ZFAT: variants seen among roughly 807,000 people sequenced by gnomAD.
ZFAT encodes the protein zinc finger protein ZFAT.
A neutral mutation model predicts 117.7 loss-of-function variants in ZFAT; 64 were observed. That is an observed-to-expected ratio of 0.54 (90% CI 0.44 to 0.67). The LOEUF is 0.67. Ranked by LOEUF, ZFAT falls within the 30% of genes least tolerant of loss-of-function variation. The pLI is 0.00. For missense variants in ZFAT, 1,433 were observed against 1,584.5 expected (o/e 0.90, Z 1.62); for synonymous variants, 679 against 615.0 (o/e 1.10, Z -1.54).
the ZFAT span, among the ~76,000 whole-genome samples, chr8:134,764,253 G>A: frequency 6.6e-6 from 1 of 152,206 alleles, no homozygotes; most frequent in Non-Finnish European, 1.5e-5. Context: ...CTAAGTAGCT[G>A]CTGCCCTTGT....
intron 7 of ZFAT, among the ~76,000 whole-genome samples, chr8:134,596,063 C>A (rs1826901603): frequency 6.6e-6 from 1 of 152,208 alleles, no homozygotes; most frequent in Non-Finnish European, 1.5e-5. Context: ...GGAAACCAAG[C>A]CCCACGCTGG....
chr8:134,716,244 G>A (rs1814210809), upstream of ZFAT, among the ~76,000 whole-genome samples: 1 of 151,908 alleles, frequency 6.6e-6, no homozygotes. Context: ...GATAAAATCA[G>A]AGGTGGGAAT....
the ZFAT span, among the ~76,000 whole-genome samples, chr8:134,762,297 A>G: frequency 6.6e-6 from 1 of 152,164 alleles, no homozygotes; most frequent in East Asian, 1.9e-4. Flanking sequence ...GCACCTCTTT[A>G]AAACAAAATC....
chr8:134,640,240 G>A (rs528970801), intron 2 of ZFAT, among the ~76,000 whole-genome samples: 7 of 152,326 alleles, frequency 4.6e-5, no homozygotes, highest in South Asian at 2.1e-4. Context: ...GAGAGAGGCC[G>A]CAGGGACCTT....
intron 11 of ZFAT, among the ~76,000 whole-genome samples, chr8:134,539,672 T>C (rs1822105948): frequency 6.6e-6 from 1 of 152,230 alleles, no homozygotes; most frequent in Non-Finnish European, 1.5e-5. Flanking sequence ...AAAGGCCATG[T>C]AATGGTTATG....
the ZFAT span, among the ~76,000 whole-genome samples, chr8:134,820,802 T>G: frequency 6.6e-6 from 1 of 152,202 alleles, no homozygotes; most frequent in African/African-American, 2.4e-5. Flanking sequence ...TTTGAAATAA[T>G]AGTCTACCAC....
the ZFAT span, among the ~76,000 whole-genome samples, chr8:134,725,592 G>C: frequency 6.6e-6 from 1 of 151,916 alleles, no homozygotes. Context: ...CCACCGCCAC[G>C]ATCTAATCAC....
upstream of ZFAT, among the ~76,000 whole-genome samples, chr8:134,715,954 C>G (rs533854373): frequency 1.1e-4 from 17 of 152,150 alleles, no homozygotes; most frequent in East Asian, 2.3e-3. Flanking sequence ...AGGATACATA[C>G]AGGCGACCTC....
chr8:134,520,072 C>T (rs752660108), intron 13 of ZFAT, among the ~76,000 whole-genome samples: 19 of 152,094 alleles, frequency 1.2e-4, no homozygotes, highest in Non-Finnish European at 2.6e-4. Context: ...TTCTCCCAAC[C>T]ACTGGATGCT....
At chr8:134,775,655 C>T in the ZFAT span, among the ~76,000 whole-genome samples, 2 of 152,202 alleles carry the variant, frequency 1.3e-5, no homozygotes, top group Non-Finnish European at 2.9e-5. Context: ...GTTCATCATT[C>T]TTAGTTTGCA....
chr8:134,675,624 G>A (rs1345997049), intron 1 of ZFAT, among the ~76,000 whole-genome samples: 2 of 152,082 alleles, frequency 1.3e-5, no homozygotes, highest in Admixed American at 6.6e-5. Context: ...AATATTCCTC[G>A]AGAAGAGCAA....
intron 15 of ZFAT, among the ~76,000 whole-genome samples, chr8:134,497,477 A>G (rs1217848122): frequency 1.1e-4 from 14 of 129,320 alleles, no homozygotes; most frequent in Admixed American, 1.5e-4. Context: ...TTACACACAG[A>G]GCCTGATTTG....
chr8:134,681,772 G>A (rs1415598410), intron 1 of ZFAT, among the ~76,000 whole-genome samples: 1 of 152,070 alleles, frequency 6.6e-6, no homozygotes, highest in Non-Finnish European at 1.5e-5. Flanking sequence ...TTGTTTTCTT[G>A]TTTTTCATTT....
the ZFAT span, among the ~76,000 whole-genome samples, chr8:134,731,312 C>T: frequency 1.3e-5 from 2 of 152,214 alleles, no homozygotes; most frequent in African/African-American, 2.4e-5. Flanking sequence ...GCAGGTTACT[C>T]ATAATAGCCC....
rs199946391 is a variant in ZFAT at position 134,694,466 on chromosome 8, GAA to G, written c.19+18377_19+18378del. Among the ~76,000 whole-genome samples, 619 of 152,318 alleles carry G rather than the reference GAA, an allele frequency of 4.1e-3. 15 individuals are homozygous for G. The highest frequency in any genetic ancestry group is 0.032 in the Admixed American group (493 of 15,296). ...TCAGGAGACTGAGTGAAGGGCATAT[GAA>G]AAGTTTTTGTACTACTCTCTCCATT... On this transcript the variant is annotated intron_variant, in intron 1 of 15. Transcript: ENST00000377838.
At chr8:134,480,862 G>C (rs1218556192) in intron 15 of ZFAT, among the ~76,000 whole-genome samples, 1 of 152,202 alleles carries the variant, frequency 6.6e-6, no homozygotes, top group Non-Finnish European at 1.5e-5. Context: ...CTGACCCTGT[G>C]ATTATTCCAG....
At chr8:134,804,034 T>C in the ZFAT span, among the ~76,000 whole-genome samples, 1 of 152,180 alleles carries the variant, frequency 6.6e-6, no homozygotes, top group South Asian at 2.1e-4. Flanking sequence ...TCTGAAAGAC[T>C]AACAGAAATA....
the ZFAT span, among the ~76,000 whole-genome samples, chr8:134,819,310 G>A: frequency 6.6e-6 from 1 of 151,992 alleles, no homozygotes; most frequent in Non-Finnish European, 1.5e-5. Flanking sequence ...TTTAATCTGT[G>A]AAGGATACGG....
chr8:134,495,614 C>A (rs940825844), intron 15 of ZFAT, among the ~76,000 whole-genome samples: 1 of 152,146 alleles, frequency 6.6e-6, no homozygotes. Context: ...CTCCCTGGAC[C>A]AAGCAATAAG....
Sources: gnomAD v4.1 joint callset for allele counts (sites outside exome capture counted in the v4.1 genomes callset) on GRCh38, gnomAD v4.1.1 for gene constraint, MANE v1.5 for transcripts, NCBI Gene and HGNC (gene_info 2026-07-23, HGNC 2026-07-21) for gene names.